Variants in PTPN14 observed in about 807,000 individuals in gnomAD.
The protein encoded by PTPN14 is protein tyrosine phosphatase non-receptor type 14.
A neutral mutation model predicts 126.8 loss-of-function variants in PTPN14; 53 were observed. The ratio of observed to expected loss-of-function variants is 0.42; its 90% CI spans 0.34 to 0.53. The LOEUF (loss-of-function observed/expected upper bound fraction) is 0.53, where lower values mean the gene tolerates loss of function less well. Among genes scored for constraint, PTPN14 ranks in the 20% least tolerant of loss-of-function variants. PTPN14 has a pLI of 0.08. For missense variants in PTPN14, 1,257 were observed against 1,552.9 expected (o/e 0.81, Z 3.20); for synonymous variants, 630 against 599.3 (o/e 1.05, Z -0.75).
chr1:214,493,088 T>C (rs541999920), intron 1 of PTPN14, among the ~76,000 whole-genome samples: 31 of 152,042 alleles, frequency 2.0e-4, no homozygotes, highest in African/African-American at 7.5e-4. Context: ...AATTCCTAAG[T>C]GGGAAAGCAA....
In PTPN14 at chr1:214,464,922, G is replaced by C. The variant is rs1660596521; in HGVS notation, c.-119C>G. 1.6e-6 allele frequency: 2 copies of C among 1,270,626 alleles called. No homozygotes were observed. Among genetic ancestry groups the C allele is most frequent in the Admixed American group, 2.2e-5 (1 of 46,004 alleles). The allele number at this position is 1,270,626 out of a possible 1,614,324, so 78.7% of individuals were successfully genotyped here. A position where few individuals can be genotyped will look rare whatever the true frequency, so the allele number is the denominator to read the frequency against. ...CCTGTGCTCCTCCAGGCAGGGAAAA[G>C]GGTGTCCATGCCCAGTGTGGCCCTC... is the stretch of plus-strand genomic sequence containing the variant. On this transcript the variant is annotated 5_prime_UTR_variant, in exon 2 of 19. Coordinates refer to ENST00000366956, the MANE Select transcript of PTPN14 (RefSeq NM_005401.5).
At chr1:214,395,111 T>G (rs1453694149) in intron 8 of PTPN14, 125 bp from the exon 9 acceptor site, 1 of 846,584 alleles carries the variant, frequency 1.2e-6, no homozygotes, top group African/African-American at 1.7e-5. Context: ...ATTTTTTAAG[T>G]GAAATGTTCT....
In PTPN14 at chr1:214,477,965, T is replaced by C. The variant is rs191091541; in HGVS notation, c.-154-13008A>G. ...TAAACACCATTTACTAAAATTGTTG[T>C]ACATAAGCAAAGAAATCCACAGAAA... On this transcript the variant is annotated intron_variant, in intron 1 of 18. Transcript: ENST00000366956. 9.8e-4 allele frequency among the ~76,000 whole-genome samples: 150 copies of C among 152,336 alleles called. 3 individuals are homozygous for C. The highest frequency in any genetic ancestry group is 8.2e-3 in the Admixed American group (126 of 15,304).
intron 1 of PTPN14, among the ~76,000 whole-genome samples, chr1:214,550,043 T>C (rs909881154): frequency 1.3e-5 from 2 of 152,170 alleles, no homozygotes; most frequent in Non-Finnish European, 1.5e-5. Flanking sequence ...GAGCACAACC[T>C]CTATCCTCTA....
chr1:214,523,238 C>T (rs938839418), intron 1 of PTPN14, among the ~76,000 whole-genome samples: 1 of 152,148 alleles, frequency 6.6e-6, no homozygotes, highest in African/African-American at 2.4e-5. Flanking sequence ...CCCCACATAT[C>T]CCCATATCAT....
At chr1:214,360,568 G>A (rs1367404200) in intron 18 of PTPN14, among the ~76,000 whole-genome samples, 2 of 152,182 alleles carry the variant, frequency 1.3e-5, no homozygotes, top group African/African-American at 4.8e-5. Context: ...GGATTACTCT[G>A]CGGTTGGGCA....
chr1:214,513,750 C>T (rs1213178875), intron 1 of PTPN14, among the ~76,000 whole-genome samples: 2 of 152,078 alleles, frequency 1.3e-5, no homozygotes, highest in Non-Finnish European at 1.5e-5. Context: ...CTCGGTTTCT[C>T]GATCGGTAAA....
In PTPN14 at chr1:214,383,219, A is replaced by C; in HGVS notation, c.2544+92T>G. 1 of 1,439,624 alleles carries C rather than the reference A, an allele frequency of 6.9e-7. No individual in the cohort carries two copies. Among genetic ancestry groups the C allele is most frequent in the Non-Finnish European group, 9.4e-7 (1 of 1,062,286 alleles). The allele number at this position is 1,439,624 out of a possible 1,614,324, so 89.2% of individuals were successfully genotyped here. A position where few individuals can be genotyped will look rare whatever the true frequency, so the allele number is the denominator to read the frequency against. On this transcript the variant is annotated intron_variant, in intron 13 of 18. Coordinates refer to ENST00000366956, the MANE Select transcript of PTPN14 (RefSeq NM_005401.5). This position sits in a 1 kb window ranked among gnomAD's most constrained non-coding sequence, Gnocchi z 4.4. The stretch of plus-strand genomic sequence containing the variant: ...ATGCTCAATGATTCCTTAAAAACCT[A>C]CCACGTTCCCTGCATAAGCCCTGCC...
intron 1 of PTPN14, among the ~76,000 whole-genome samples, chr1:214,483,694 C>T (rs1045731465): frequency 1.3e-5 from 2 of 152,190 alleles, no homozygotes; most frequent in Admixed American, 6.5e-5. Flanking sequence ...ATGACACTCA[C>T]TCCCTCATAT....
intron 1 of PTPN14, among the ~76,000 whole-genome samples, chr1:214,495,724 C>T (rs999329555): frequency 6.6e-6 from 1 of 151,834 alleles, no homozygotes; most frequent in Non-Finnish European, 1.5e-5. Flanking sequence ...AACGGAAATT[C>T]GCTCTTGTTG....
In PTPN14 at chr1:214,413,899, C is replaced by A. The variant is rs1450308520; in HGVS notation, c.442+730G>T. On this transcript the variant is annotated intron_variant, in intron 4 of 18. Transcript: ENST00000366956. ...GGCCAGGCTGGTCTCGAACTCCTGACTTCCAGTGATTCACCTGCCTCGACC... is the reference window on the plus strand; with the variant it reads ...GGCCAGGCTGGTCTCGAACTCCTGAATTCCAGTGATTCACCTGCCTCGACC... 5.3e-5 allele frequency among the ~76,000 whole-genome samples: 8 copies of A among 151,910 alleles called. No individual in the cohort carries two copies. In the East Asian group the frequency reaches 1.5e-3, roughly 29 times the overall value.
In PTPN14 at chr1:214,532,587, C is replaced by T. The variant is rs548792290; in HGVS notation, c.-155+18596G>A. ...GCCATTACTTCAAGATCATCGAGGA[C>T]CTGAGGGCTCAGATCTTAGCAAATA... is the stretch of plus-strand genomic sequence containing the variant. On this transcript the variant is annotated intron_variant, in intron 1 of 18. Transcript: ENST00000366956. 30 of 1,035,114 alleles carry T rather than the reference C, an allele frequency of 2.9e-5. No homozygotes were observed. The East Asian group carries it at 7.1e-4, about 25-fold the overall frequency. 64.1% of individuals were successfully genotyped at this position (1,035,114 alleles called of 1,614,324 possible). A position where few individuals can be genotyped will look rare whatever the true frequency, so the allele number is the denominator to read the frequency against.
At chr1:214,431,677 G>C (rs537404348) in intron 3 of PTPN14, among the ~76,000 whole-genome samples, 2 of 152,342 alleles carry the variant, frequency 1.3e-5, no homozygotes, top group South Asian at 4.1e-4. Context: ...ACACTGTGTA[G>C]GCTTGGATCA....
At chr1:214,455,818 A>C (rs909830469) in intron 2 of PTPN14, among the ~76,000 whole-genome samples, 7 of 152,186 alleles carry the variant, frequency 4.6e-5, no homozygotes, top group African/African-American at 1.4e-4. Context: ...TGGTGTGTGG[A>C]TACTACAGCG....
chr1:214,369,985 A>C (rs548660907), intron 16 of PTPN14, among the ~76,000 whole-genome samples: 31 of 152,384 alleles, frequency 2.0e-4, no homozygotes, highest in African/African-American at 7.0e-4. Flanking sequence ...TCGTGCATTC[A>C]AGAAACAAAG....
chr1:214,373,825 G>A (rs1171146816), intron 15 of PTPN14, among the ~76,000 whole-genome samples: 1 of 152,178 alleles, frequency 6.6e-6, no homozygotes, highest in African/African-American at 2.4e-5. Flanking sequence ...ATGCACGGCA[G>A]AGATGCTACG....
At chr1:214,448,512 G>A (rs1171406049) in intron 3 of PTPN14, among the ~76,000 whole-genome samples, 2 of 151,686 alleles carry the variant, frequency 1.3e-5, no homozygotes, top group Non-Finnish European at 2.9e-5. Context: ...CCAAAGTGCT[G>A]GGATTACAGG....
intron 3 of PTPN14, among the ~76,000 whole-genome samples, chr1:214,427,276 CA>C (rs5741915): frequency 0.39 from 25,075 of 63,902 alleles, 1,560 homozygotes; most frequent in East Asian, 0.46. Context: ...GTCTCCATCT[CA>C]AAAAAAAAAA....
At chr1:214,386,954 G>T (rs377654964) in intron 11 of PTPN14, 32 bp from the exon 12 acceptor site, 2 of 1,533,944 alleles carry the variant, frequency 1.3e-6, no homozygotes, top group Admixed American at 1.7e-5. Flanking sequence ...AGGTGGGGAG[G>T]CCTGGGCAGA....
Sources: gnomAD v4.1 joint callset for allele counts (sites outside exome capture counted in the v4.1 genomes callset) on GRCh38, gnomAD v4.1.1 for gene constraint, Gnocchi (gnomAD v3.1) non-coding constraint, MANE v1.5 for transcripts, NCBI Gene and HGNC (gene_info 2026-07-23, HGNC 2026-07-21) for gene names.